SOCS6: variants seen among roughly 807,000 people sequenced by gnomAD.
SOCS6 encodes STAT induced STAT inhibitor-4.
A neutral mutation model predicts 27.7 loss-of-function variants in SOCS6; 5 were observed. The observed-to-expected ratio is 0.18, with a 90% confidence interval of 0.09 to 0.38. The LOEUF (loss-of-function observed/expected upper bound fraction) is 0.38, where lower values mean the gene tolerates loss of function less well. Among genes scored for constraint, SOCS6 ranks in the 10% least tolerant of loss-of-function variants. The pLI, the probability that SOCS6 is intolerant of heterozygous loss-of-function variation, is 1.00. For synonymous variants in SOCS6, 271 were observed against 260.0 expected, an observed-to-expected ratio of 1.04 and a Z score of -0.41; for missense variants, 595 against 688.1, an observed-to-expected ratio of 0.86 and a Z score of 1.51.
At chr18:70,289,344 G>T (rs930272528) in intron 1 of SOCS6, among the ~76,000 whole-genome samples, 8 of 148,742 alleles carry the variant, frequency 5.4e-5, no homozygotes, top group Non-Finnish European at 1.2e-4. Flanking sequence ...CCAGTCCCGG[G>T]AGCGGGGACG....
At chr18:70,317,320 GAGTTAGTTACTTCACTTAGAATGGA>G (rs1395745334) in intron 1 of SOCS6, among the ~76,000 whole-genome samples, 3 of 152,000 alleles carry the variant, frequency 2.0e-5, no homozygotes, top group African/African-American at 7.3e-5. Flanking sequence ...TTCCATTCCA[GAGTTAGTTACTTCACTTAGAATGGA>G]AGTTAGTTAC....
intron 1 of SOCS6, among the ~76,000 whole-genome samples, chr18:70,294,055 C>G (rs928437135): frequency 5.3e-5 from 8 of 150,394 alleles, no homozygotes; most frequent in African/African-American, 1.5e-4. Context: ...TGTGCCACTG[C>G]ACTCCAGCCT....
chr18:70,318,536 A>G (rs1910853474), intron 1 of SOCS6, among the ~76,000 whole-genome samples: 1 of 152,048 alleles, frequency 6.6e-6, no homozygotes, highest in Non-Finnish European at 1.5e-5. Context: ...GAGTGGAAAT[A>G]CTGGAGAGAT....
Position 70,325,425 on chromosome 18 carries a change from G to T in SOCS6, c.757G>T (p.Val253Phe). ...CTCTTCTCCCATGGAAGTCTCTGCG[G>T]TTCCTCCTCAAGTGGGAGGGCGCGC... ...DSSSPMEVSA[V>F]PPQVGGRAFP... The change falls in exon 2 of 2, where the codon GTT becomes TTT. Residue 253 changes from valine (V) to phenylalanine (F), a missense_variant. Coordinates refer to ENST00000397942, the MANE Select transcript of SOCS6 (RefSeq NM_004232.4). This position sits in a 1 kb window ranked among gnomAD's most constrained non-coding sequence, Gnocchi z 6.3. 6.2e-7 allele frequency: 1 copy of T among 1,614,206 alleles called. No individual in the cohort carries two copies. Among genetic ancestry groups the T allele is most frequent in the East Asian group, 2.2e-5 (1 of 44,876 alleles).
rs190727042 is a variant in SOCS6, at chr18:70,320,786, C to T, written c.-126-3757C>T. Among the ~76,000 whole-genome samples, 504 of 152,194 alleles carry T rather than the reference C, an allele frequency of 3.3e-3. 5 individuals are homozygous for T. The highest frequency in any genetic ancestry group is 0.012 in the African/African-American group (482 of 41,538). The stretch of plus-strand genomic sequence containing the variant: ...CCACAGGGGATCCTGGGATGTATCC[C>T]TTGCAGATAAGAGAGGGCTACTGTA... On this transcript the variant is annotated intron_variant, in intron 1 of 1. Coordinates refer to ENST00000397942, the MANE Select transcript of SOCS6 (RefSeq NM_004232.4).
chr18:70,293,922 C>T (rs1026967080), intron 1 of SOCS6, among the ~76,000 whole-genome samples: 1 of 151,938 alleles, frequency 6.6e-6, no homozygotes, highest in Non-Finnish European at 1.5e-5. Flanking sequence ...GAAACCCCGT[C>T]TCTACTAAAA....
In SOCS6 at chr18:70,312,988, G is replaced by T. The variant is rs190944385; in HGVS notation, c.-126-11555G>T. Among the ~76,000 whole-genome samples the T allele has an allele frequency of 2.4e-3, 361 of 152,106 alleles. 2 individuals carry two copies. Among genetic ancestry groups the T allele is most frequent in the Non-Finnish European group, 3.9e-3 (263 of 67,996 alleles). On this transcript the variant is annotated intron_variant, in intron 1 of 1. Coordinates refer to ENST00000397942, the MANE Select transcript of SOCS6 (RefSeq NM_004232.4). ...GTAGAGACAGGCTTTCACCATGTTG[G>T]CCGGGCTGGTCTCGAACTCTTGACC...
intron 1 of SOCS6, among the ~76,000 whole-genome samples, chr18:70,289,653 G>T (rs918323815): frequency 6.7e-6 from 1 of 149,724 alleles, no homozygotes; most frequent in African/African-American, 2.4e-5. Context: ...CGGGCCTGGG[G>T]CGCGGCGCTG....
Position 70,300,420 on chromosome 18 carries a change from C to T in SOCS6, c.-127+11330C>T, listed in dbSNP as rs530343854. Among the ~76,000 whole-genome samples, 861 of 152,280 alleles carry T rather than the reference C, an allele frequency of 5.7e-3. 6 individuals carry two copies. The highest frequency in any genetic ancestry group is 9.5e-3 in the Non-Finnish European group (643 of 67,990). On this transcript the variant is annotated intron_variant, in intron 1 of 1. Transcript: ENST00000397942. ...CTGGGATTACAGGTGTGAGCCACCG[C>T]GCCCAGCCTCATTAATCAATTCTTA... is the stretch of plus-strand genomic sequence containing the variant.
chr18:70,319,117 GTTCTA>G (rs1197190668), intron 1 of SOCS6, among the ~76,000 whole-genome samples: 2 of 152,052 alleles, frequency 1.3e-5, no homozygotes, highest in African/African-American at 2.4e-5. Context: ...TATATGGTCT[GTTCTA>G]TTCTTTCTTT....
chr18:70,328,307 TTAA>T lies in SOCS6; in HGVS notation c.*2038_*2040del, dbSNP rs1911286630. 6.0e-6 allele frequency: 1 copy of T among 167,038 alleles called. No individual in the cohort carries two copies. The highest frequency in any genetic ancestry group is 6.5e-5 in the Admixed American group (1 of 15,282). 10.3% of individuals were successfully genotyped at this position (167,038 alleles called of 1,614,324 possible). A position where few individuals can be genotyped will look rare whatever the true frequency, so the allele number is the denominator to read the frequency against. On this transcript the variant is annotated 3_prime_UTR_variant, in exon 2 of 2. Coordinates refer to ENST00000397942, the MANE Select transcript of SOCS6 (RefSeq NM_004232.4). ...GGTTTTGTCACAGAGTCACTGTGTATTAATAATAAATGTTGAAATGGCTTCTCC... is the reference window on the plus strand; with the variant it reads ...GGTTTTGTCACAGAGTCACTGTGTATTAATAAATGTTGAAATGGCTTCTCC...
chr18:70,311,475 G>A (rs999565240), intron 1 of SOCS6, among the ~76,000 whole-genome samples: 27 of 152,078 alleles, frequency 1.8e-4, no homozygotes, highest in Non-Finnish European at 3.4e-4. Context: ...CAGAGACAGG[G>A]TTTTTTTACT....
Position 70,326,408 on chromosome 18 carries a change from AGTTT to A in SOCS6, c.*137_*140del, listed in dbSNP as rs753313560. 3.8e-6 allele frequency: 3 copies of A among 797,882 alleles called. No individual in the cohort carries two copies. The highest frequency in any genetic ancestry group is 6.0e-6 in the Non-Finnish European group (3 of 502,114). The allele number at this position is 797,882 out of a possible 1,614,324, so 49.4% of individuals were successfully genotyped here. A position where few individuals can be genotyped will look rare whatever the true frequency, so the allele number is the denominator to read the frequency against. ...CAGTTTTATGTGTAAAAGAGTCATC[AGTTT>A]GTTTAGGGGTGGGGAAGTGTCAGCA... On this transcript the variant is annotated 3_prime_UTR_variant, in exon 2 of 2. Transcript: ENST00000397942.
chr18:70,315,053 A>T (rs1347293041), intron 1 of SOCS6, among the ~76,000 whole-genome samples: 3 of 152,104 alleles, frequency 2.0e-5, no homozygotes, highest in Non-Finnish European at 2.9e-5. Context: ...CAATCCCAGG[A>T]TATACCTTAT....
intron 1 of SOCS6, among the ~76,000 whole-genome samples, chr18:70,294,669 G>A (rs977687204): frequency 3.3e-5 from 5 of 152,168 alleles, no homozygotes; most frequent in Non-Finnish European, 7.3e-5. Context: ...GTGAATGGGC[G>A]CCTTCAGAAG....
chr18:70,300,341 C>A (rs1355627635), intron 1 of SOCS6, among the ~76,000 whole-genome samples: 2 of 152,086 alleles, frequency 1.3e-5, no homozygotes, highest in African/African-American at 4.8e-5. Flanking sequence ...GTGGGCCAGG[C>A]TAGTCTCGAA....
chr18:70,295,286 C>A (rs913939795), intron 1 of SOCS6, among the ~76,000 whole-genome samples: 2 of 152,104 alleles, frequency 1.3e-5, no homozygotes, highest in African/African-American at 2.4e-5. Flanking sequence ...GTATTTTTAC[C>A]CAGCGCTCTG....
chr18:70,319,972 T>C (rs950038127), intron 1 of SOCS6, among the ~76,000 whole-genome samples: 6 of 152,088 alleles, frequency 3.9e-5, no homozygotes, highest in Admixed American at 1.3e-4. Context: ...ATGACAGTAT[T>C]ATTGCCAGTG....
At position 70,300,015 on chromosome 18, in the gene SOCS6, A is replaced by G. The variant is rs142652368; in HGVS notation, c.-127+10925A>G. ...CCCATGAATACCGAGGGATGACCGT[A>G]TACGTATAAAGACAGTGATGAATTG... On this transcript the variant is annotated intron_variant, in intron 1 of 1. Coordinates refer to ENST00000397942, the MANE Select transcript of SOCS6 (RefSeq NM_004232.4). Among the ~76,000 whole-genome samples, 147 of 152,356 alleles carry G rather than the reference A, an allele frequency of 9.6e-4. No homozygotes were observed. In the South Asian group the frequency reaches 0.014, roughly 15 times the overall value.
Sources: gnomAD v4.1 joint callset for allele counts (sites outside exome capture counted in the v4.1 genomes callset) on GRCh38, gnomAD v4.1.1 for gene constraint, Gnocchi (gnomAD v3.1) non-coding constraint, MANE v1.5 for transcripts, NCBI Gene and HGNC (gene_info 2026-07-23, HGNC 2026-07-21) for gene names.